CDK19: variants seen among roughly 807,000 people sequenced by gnomAD.
The protein encoded by CDK19 is cyclin-dependent kinase 19.
In CDK19, 20 loss-of-function variants were observed where a neutral mutation model predicts 68.3. The observed-to-expected ratio is 0.29, with a 90% CI of 0.21 to 0.43. The LOEUF is 0.43. Among genes scored for constraint, CDK19 ranks in the 20% least tolerant of loss-of-function variants. The pLI is 1.00. For synonymous variants in CDK19, 221 were observed against 222.8 expected (o/e 0.99, Z 0.07); for missense variants, 339 against 623.5 (o/e 0.54, Z 4.86).
At chr6:110,797,803 G>T (rs934708138) in intron 1 of CDK19, among the ~76,000 whole-genome samples, 12 of 152,002 alleles carry the variant, frequency 7.9e-5, no homozygotes, top group African/African-American at 2.4e-4. Context: ...TGGCCAACAT[G>T]GTGAAACCCC....
In CDK19 at chr6:110,815,047, G is replaced by A; in HGVS notation, c.90C>T (p.Gly30=). 6.2e-7 allele frequency: 1 copy of A among 1,605,270 alleles called. No individual in the cohort carries two copies. Among genetic ancestry groups the A allele is most frequent in the Non-Finnish European group, 8.5e-7 (1 of 1,176,594 alleles). ...FEYEGCKVGR[G]TYGHVYKARR... is the part of the protein sequence containing the mutation. ...TCGCCTTGTAGACGTGACCGTAGGT[G>A]CCGCGTCCCACTTTGCACCCTTCGT... The change falls in exon 1 of 13, where the codon GGC becomes GGT. Residue 30 remains glycine (G), a synonymous_variant. Coordinates refer to ENST00000368911, the MANE Select transcript of CDK19 (RefSeq NM_015076.5).
intron 1 of CDK19, among the ~76,000 whole-genome samples, chr6:110,752,525 GCTTTC>G (rs1778541771): frequency 6.6e-6 from 1 of 152,048 alleles, no homozygotes; most frequent in African/African-American, 2.4e-5. Flanking sequence ...CACTCTTTAT[GCTTTC>G]CTTTCCTTTT....
At position 110,641,215 on chromosome 6, in the gene CDK19, C is replaced by G. The variant is rs1419274919; in HGVS notation, c.457-2509G>C. Among the ~76,000 whole-genome samples, 3 of 151,896 alleles carry G rather than the reference C, an allele frequency of 2.0e-5. No homozygotes were observed. The East Asian group carries it at 5.8e-4, about 29-fold the overall frequency. ...TATGTAAAAAGTGTTGTACTTCAGGCCTTTAGGAAACAACAGGAAATAAAA... is the reference window on the plus strand; with the variant it reads ...TATGTAAAAAGTGTTGTACTTCAGGGCTTTAGGAAACAACAGGAAATAAAA... On this transcript the variant is annotated intron_variant, in intron 4 of 12. Transcript: ENST00000368911.
intron 1 of CDK19, among the ~76,000 whole-genome samples, chr6:110,796,543 G>A (rs1461829064): frequency 2.0e-5 from 3 of 152,052 alleles, no homozygotes; most frequent in African/African-American, 7.2e-5. Flanking sequence ...CAGCTACTCG[G>A]AAGGCTAAAA....
chr6:110,641,592 CAAAA>C (rs773781094), intron 4 of CDK19, among the ~76,000 whole-genome samples: 1 of 31,318 alleles, frequency 3.2e-5, no homozygotes, highest in Non-Finnish European at 6.9e-5. Context: ...GAGACTCCAT[CAAAA>C]AAAAAAAAAA....
At chr6:110,677,517 G>C (rs1771630908) in intron 2 of CDK19, among the ~76,000 whole-genome samples, 1 of 148,694 alleles carries the variant, frequency 6.7e-6, no homozygotes, top group Admixed American at 6.8e-5. Flanking sequence ...AGTGAGCCGA[G>C]ATCGCGCCAC....
At chr6:110,708,641 C>A (rs1774706154) in intron 2 of CDK19, among the ~76,000 whole-genome samples, 1 of 152,176 alleles carries the variant, frequency 6.6e-6, no homozygotes. Flanking sequence ...TCCCTCTACT[C>A]TTACTTTACT....
intron 12 of CDK19, among the ~76,000 whole-genome samples, chr6:110,615,678 C>T (rs1233372592): frequency 2.0e-5 from 3 of 152,140 alleles, no homozygotes; most frequent in Non-Finnish European, 4.4e-5. Flanking sequence ...ATAGTTTAAA[C>T]GACAATAGTC....
chr6:110,735,438 C>T (rs2114823338), intron 2 of CDK19, among the ~76,000 whole-genome samples: 2 of 152,204 alleles, frequency 1.3e-5, no homozygotes, highest in Middle Eastern at 3.4e-3. Flanking sequence ...TTGTTCCAAG[C>T]ACCATATAGA....
intron 2 of CDK19, among the ~76,000 whole-genome samples, chr6:110,711,757 C>A (rs1235992168): frequency 1.3e-5 from 2 of 152,214 alleles, no homozygotes; most frequent in East Asian, 1.9e-4. Flanking sequence ...CACCTGAGGG[C>A]AGGAGTTTGA....
chr6:110,638,661 T>C lies in CDK19; in HGVS notation c.502A>G (p.Arg168Gly). Residue 168 changes from arginine to glycine, a missense_variant, in exon 5 of 13, where the codon AGA becomes GGA. Arg to Gly is a moderately radical substitution (Grantham distance 125). Around this residue, in one of 4 missense-constraint regions of CDK19, gnomAD observed 120 missense variants for 224.0 expected, o/e 0.54. Coordinates refer to ENST00000368911, the MANE Select transcript of CDK19 (RefSeq NM_015076.5). ...LVMGEGPERG[R>G]VKIADMGFAR... ...AATAATTACCTACCTATTTTGACTC[T>C]CCCCCTCTCAGGACCTTCTCCCATT... 2 of 1,521,860 alleles carry C rather than the reference T, an allele frequency of 1.3e-6. No homozygotes were observed. Among genetic ancestry groups the C allele is most frequent in the Admixed American group, 1.7e-5 (1 of 59,040 alleles). 94.3% of individuals were successfully genotyped at this position (1,521,860 alleles called of 1,614,324 possible). A position where few individuals can be genotyped will look rare whatever the true frequency, so the allele number is the denominator to read the frequency against.
At chr6:110,636,986 T>C (rs1179273064) in intron 5 of CDK19, among the ~76,000 whole-genome samples, 2 of 152,190 alleles carry the variant, frequency 1.3e-5, no homozygotes, top group African/African-American at 2.4e-5. Flanking sequence ...TAGAGGTCAG[T>C]GAGATCACAC....
At chr6:110,733,358 C>T (rs184878830) in intron 2 of CDK19, among the ~76,000 whole-genome samples, 20 of 152,278 alleles carry the variant, frequency 1.3e-4, no homozygotes, top group Admixed American at 1.0e-3. Context: ...TATGGCTGAA[C>T]ATTTGGATTT....
At chr6:110,755,893 G>A (rs905161478) in intron 1 of CDK19, among the ~76,000 whole-genome samples, 9 of 152,184 alleles carry the variant, frequency 5.9e-5, no homozygotes, top group Admixed American at 1.3e-4. Flanking sequence ...GAGGGTGGAT[G>A]AGGGCCAAAA....
At chr6:110,640,941 AG>A (rs1344596584) in intron 4 of CDK19, among the ~76,000 whole-genome samples, 1 of 152,186 alleles carries the variant, frequency 6.6e-6, no homozygotes, top group East Asian at 1.9e-4. Context: ...TGGGCAACAG[AG>A]TGAGACCCCG....
intron 2 of CDK19, among the ~76,000 whole-genome samples, chr6:110,720,349 A>G (rs951344197): frequency 2.0e-5 from 3 of 152,130 alleles, no homozygotes; most frequent in African/African-American, 7.2e-5. Context: ...TGTAAAAGCA[A>G]TGATTCATAG....
intron 2 of CDK19, among the ~76,000 whole-genome samples, chr6:110,673,361 T>C: frequency 6.6e-6 from 1 of 152,220 alleles, no homozygotes; most frequent in South Asian, 2.1e-4. Context: ...AACAGACATT[T>C]AGGGTGTTCT....
intron 1 of CDK19, among the ~76,000 whole-genome samples, chr6:110,752,906 GTTTT>G (rs149130571): frequency 1.3e-5 from 2 of 151,498 alleles, no homozygotes; most frequent in Non-Finnish European, 2.9e-5. Context: ...GTTATCTCGG[GTTTT>G]TTTTGTTTTT....
At chr6:110,690,471 T>C (rs1772887801) in intron 2 of CDK19, among the ~76,000 whole-genome samples, 1 of 152,178 alleles carries the variant, frequency 6.6e-6, no homozygotes. Context: ...CTGACAAGGC[T>C]GTGACTTCTG....
Sources: allele counts gnomAD v4.1 joint callset (sites outside exome capture counted in the v4.1 genomes callset), GRCh38; gene constraint gnomAD v4.1.1; regional missense constraint gnomAD v4.1.1; transcripts MANE v1.5; gene names NCBI Gene and HGNC (gene_info 2026-07-23, HGNC 2026-07-21).